The following CSMD2 variants were observed in gnomAD, a reference collection of about 807,000 sequenced individuals.
CSMD2 encodes the protein CUB and sushi domain-containing protein 2.
In CSMD2, 130 loss-of-function variants were observed where a neutral mutation model predicts 398.5. The ratio of observed to expected loss-of-function variants is 0.33; its 90% CI spans 0.28 to 0.38. CSMD2 has a LOEUF of 0.38. CSMD2 is among the 10% of genes least tolerant of loss of function. The probability of loss-of-function intolerance (pLI) is 1.00; values close to 1 mark genes in which losing one functional copy is unlikely to be tolerated. For missense variants in CSMD2, 3,829 were observed against 4,764.9 expected (o/e 0.80, Z 5.78); for synonymous variants, 1,828 against 1,908.5 (o/e 0.96, Z 1.10).
chr1:33,996,455 A>C (rs1262481600), intron 3 of CSMD2, among the ~76,000 whole-genome samples: 1 of 152,214 alleles, frequency 6.6e-6, no homozygotes, highest in African/African-American at 2.4e-5. Context: ...CGCAGGGAAC[A>C]AACAGAATGT....
intron 21 of CSMD2, 117 bp downstream of exon 21, chr1:33,714,467 TGTG>T (rs1646095855): frequency 8.6e-7 from 1 of 1,167,592 alleles, no homozygotes. Context: ...TGCAGGTAAG[TGTG>T]GTAAGTGTGG....
chr1:34,016,797 T>C (rs1648180480), intron 3 of CSMD2, among the ~76,000 whole-genome samples: 2 of 133,952 alleles, frequency 1.5e-5, no homozygotes, highest in South Asian at 2.9e-4. Flanking sequence ...TATAGATAGA[T>C]AGATAGACAG....
At chr1:34,006,862 A>G (rs1647073093) in intron 3 of CSMD2, among the ~76,000 whole-genome samples, 1 of 152,072 alleles carries the variant, frequency 6.6e-6, no homozygotes, top group African/African-American at 2.4e-5. Context: ...CCCAAGGAGT[A>G]TGCAAGTGCT....
chr1:33,786,524 TG>T (rs1246033779), intron 12 of CSMD2, among the ~76,000 whole-genome samples: 1 of 152,250 alleles, frequency 6.6e-6, no homozygotes, highest in Non-Finnish European at 1.5e-5. Flanking sequence ...TTGAACTACC[TG>T]TGTACTGGCT....
chr1:33,640,890 G>A (rs955357840), intron 29 of CSMD2, among the ~76,000 whole-genome samples: 1 of 152,180 alleles, frequency 6.6e-6, no homozygotes, highest in African/African-American at 2.4e-5. Context: ...AGGTGTGGCC[G>A]TAGCTTCCAG....
At chr1:34,054,768 C>T (rs1413494268) in intron 2 of CSMD2, among the ~76,000 whole-genome samples, 3 of 151,942 alleles carry the variant, frequency 2.0e-5, no homozygotes, top group Non-Finnish European at 4.4e-5. Flanking sequence ...CCAACCAGGC[C>T]ACTGTCAAAC....
chr1:33,607,890 C>T (rs370137289), intron 41 of CSMD2, among the ~76,000 whole-genome samples: 1 of 152,214 alleles, frequency 6.6e-6, no homozygotes, highest in African/African-American at 2.4e-5. Flanking sequence ...ACATGTTGGG[C>T]CAACTCCTGG....
intron 12 of CSMD2, among the ~76,000 whole-genome samples, chr1:33,780,172 C>T (rs2149347304): frequency 6.6e-6 from 1 of 152,256 alleles, no homozygotes; most frequent in Admixed American, 6.5e-5. Flanking sequence ...TCTCCAGAAC[C>T]AAGCCCAGTG....
At chr1:33,882,458 C>A (rs917548562) in intron 5 of CSMD2, among the ~76,000 whole-genome samples, 2 of 152,184 alleles carry the variant, frequency 1.3e-5, no homozygotes, top group African/African-American at 4.8e-5. Context: ...AATGTTCAGA[C>A]CAAAGAGAAA....
At chr1:33,677,792 G>A (rs1246078353) in intron 25 of CSMD2, among the ~76,000 whole-genome samples, 3 of 151,926 alleles carry the variant, frequency 2.0e-5, no homozygotes, top group Non-Finnish European at 4.4e-5. Context: ...AAAATGGTGA[G>A]TTCATGTCCT....
chr1:33,614,593 A>T lies in CSMD2; in HGVS notation c.6044T>A (p.Met2015Lys). The change falls in exon 40 of 71, where the codon ATG (methionine) becomes AAG (lysine). Residue 2015 changes from methionine (M) to lysine (K), a missense_variant. Physicochemically the swap from Met to Lys is moderately conservative, Grantham distance 95. Transcript: ENST00000373381. ...GCCGGGGCTCAGGATCACCCCCTCC[A>T]TCTCCTCCACTGTTCCCCCACACTG... is the stretch of plus-strand genomic sequence containing the variant. ...IAQCGGTVEE[M>K]EGVILSPGFP... is the part of the protein sequence containing the mutation. The T allele has an allele frequency of 1.2e-6, 2 of 1,610,932 alleles. No individual in the cohort carries two copies. The highest frequency in any genetic ancestry group is 1.7e-6 in the Non-Finnish European group (2 of 1,177,390).
At chr1:33,944,786 T>G (rs981894076) in intron 3 of CSMD2, among the ~76,000 whole-genome samples, 1 of 152,128 alleles carries the variant, frequency 6.6e-6, no homozygotes, top group Non-Finnish European at 1.5e-5. Flanking sequence ...GGGGCTACAA[T>G]GCAGGTTGGG....
At chr1:33,648,911 C>T (rs555358260) in intron 28 of CSMD2, among the ~76,000 whole-genome samples, 3 of 152,248 alleles carry the variant, frequency 2.0e-5, no homozygotes, top group Admixed American at 1.3e-4. Flanking sequence ...GTAAAAAAGA[C>T]TACATTGACA....
Position 34,164,465 on chromosome 1 carries a change from G to A in CSMD2, c.187+446C>T, listed in dbSNP as rs1641678545. Among the ~76,000 whole-genome samples the A allele has an allele frequency of 6.6e-6, 1 of 152,050 alleles. No homozygotes were observed. Among genetic ancestry groups the A allele is most frequent in the South Asian group, 2.1e-4 (1 of 4,826 alleles). On this transcript the variant is annotated intron_variant, in intron 1 of 70. Transcript: ENST00000373381. The surrounding 1 kb of genome is among the most constrained non-coding windows in gnomAD (Gnocchi z 6.2). ...GACCTTGCAGACGCAGAAATGGGGA[G>A]GGGGCGCACGGTTCCTCTCCAGCCC... is the stretch of plus-strand genomic sequence containing the variant.
At chr1:33,746,838 C>A (rs1569684638) in intron 13 of CSMD2, among the ~76,000 whole-genome samples, 1 of 152,134 alleles carries the variant, frequency 6.6e-6, no homozygotes, top group Non-Finnish European at 1.5e-5. Flanking sequence ...GTCTCATAAC[C>A]CCATCCCACT....
In CSMD2 at chr1:33,567,823, T is replaced by A. The variant is rs780954642; in HGVS notation, c.8150A>T (p.His2717Leu). 8 of 1,589,212 alleles carry A rather than the reference T, an allele frequency of 5.0e-6. No individual in the cohort carries two copies. The South Asian group carries it at 9.1e-5, about 18-fold the overall frequency. ...VRCLATQTKL[H>L]SIFYKLLFDV... is the part of the protein sequence containing the mutation. The stretch of plus-strand genomic sequence containing the variant: ...GAAGAGGAGCTTATAGAAAATGGAG[T>A]GGAGCTTGGTCTGAGTGGCTAGAGA... Residue 2717 changes from histidine (H) to leucine (L), a missense_variant, in exon 53 of 71, where the codon CAC becomes CTC. Transcript: ENST00000373381.
intron 3 of CSMD2, among the ~76,000 whole-genome samples, chr1:34,000,069 A>G (rs1646852312): frequency 6.6e-6 from 1 of 152,158 alleles, no homozygotes; most frequent in Non-Finnish European, 1.5e-5. Flanking sequence ...ATGGGTCTTG[A>G]CCACAAACCA....
chr1:33,581,263 T>C (rs1375544447), intron 47 of CSMD2, among the ~76,000 whole-genome samples: 1 of 150,410 alleles, frequency 6.6e-6, no homozygotes, highest in Non-Finnish European at 1.5e-5. Context: ...AGCTCATGTC[T>C]GTAATCCCAG....
At chr1:33,611,299 C>T in intron 40 of CSMD2, 49 bp from the exon 41 acceptor site, 2 of 1,496,936 alleles carry the variant, frequency 1.3e-6, no homozygotes. Flanking sequence ...ACAGTCCTGC[C>T]TCAAGTGTGC....
Sources: allele counts gnomAD v4.1 joint callset (sites outside exome capture counted in the v4.1 genomes callset), GRCh38; gene constraint gnomAD v4.1.1; non-coding constraint Gnocchi (gnomAD v3.1); transcripts MANE v1.5; gene names NCBI Gene and HGNC (gene_info 2026-07-23, HGNC 2026-07-21).